DUSP16: variants seen among roughly 807,000 people sequenced by gnomAD.
DUSP16 encodes the protein dual specificity protein phosphatase 16.
Under a neutral mutation model 58.3 loss-of-function variants are expected in DUSP16, and 21 were observed. The ratio of observed to expected loss-of-function variants is 0.36; its 90% CI spans 0.26 to 0.52. The LOEUF (loss-of-function observed/expected upper bound fraction) is 0.52, where lower values mean the gene tolerates loss of function less well. Ranked by LOEUF, DUSP16 falls within the 20% of genes least tolerant of loss-of-function variation. The pLI, the probability that DUSP16 is intolerant of heterozygous loss-of-function variation, is 0.94. For missense variants in DUSP16, 726 were observed against 819.0 expected (o/e 0.89, Z 1.39); for synonymous variants, 320 against 323.8 (o/e 0.99, Z 0.12).
chr12:12,482,050 CTAT>C (rs1180280011), intron 5 of DUSP16, among the ~76,000 whole-genome samples: 2 of 152,092 alleles, frequency 1.3e-5, no homozygotes, highest in Non-Finnish European at 2.9e-5. Flanking sequence ...TGGTTCTAAC[CTAT>C]TATTGAAAAC....
intron 5 of DUSP16, among the ~76,000 whole-genome samples, chr12:12,482,124 CTCAT>C (rs1407247379): frequency 2.0e-5 from 3 of 152,104 alleles, no homozygotes; most frequent in African/African-American, 7.2e-5. Flanking sequence ...ACAATACTCT[CTCAT>C]TAATTTTAAT....
At chr12:12,512,233 C>T (rs1412891798) in intron 3 of DUSP16, among the ~76,000 whole-genome samples, 1 of 152,134 alleles carries the variant, frequency 6.6e-6, no homozygotes, top group Non-Finnish European at 1.5e-5. Flanking sequence ...GATTAACAAA[C>T]AAAAATTTTA....
At chr12:12,531,879 C>CTG (rs1420127893) in intron 1 of DUSP16, among the ~76,000 whole-genome samples, 3 of 151,386 alleles carry the variant, frequency 2.0e-5, no homozygotes, top group African/African-American at 7.3e-5. Flanking sequence ...TAAAACAAGG[C>CTG]CGGGCGCGGT....
chr12:12,528,243 T>C (rs1482792567), intron 1 of DUSP16, among the ~76,000 whole-genome samples: 2 of 152,080 alleles, frequency 1.3e-5, no homozygotes, highest in African/African-American at 2.4e-5. Context: ...CACAGGCTCC[T>C]TCACCTACCC....
At chr12:12,533,140 GGTCA>G in intron 1 of DUSP16, among the ~76,000 whole-genome samples, 1 of 152,100 alleles carries the variant, frequency 6.6e-6, no homozygotes, top group Non-Finnish European at 1.5e-5. Flanking sequence ...TTTAAAAATA[GGTCA>G]GTTAGGGTAT....
intron 3 of DUSP16, among the ~76,000 whole-genome samples, chr12:12,511,773 G>A (rs74554821): frequency 0.019 from 2,861 of 151,912 alleles, 85 homozygotes; most frequent in African/African-American, 0.067. Flanking sequence ...CTTCACCCCC[G>A]AGAGCCCAGT....
chr12:12,532,456 C>T (rs140963039), intron 1 of DUSP16, among the ~76,000 whole-genome samples: 9 of 152,226 alleles, frequency 5.9e-5, no homozygotes, highest in East Asian at 1.9e-4. Context: ...CAAACACATA[C>T]GATGGATATG....
chr12:12,521,494 ACGTGAGGTC>A, intron 1 of DUSP16, 31 bp from the exon 2 acceptor site: 1 of 990,126 alleles, frequency 1.0e-6, no homozygotes. Flanking sequence ...AGAAAACAAA[ACGTGAGGTC>A]AAAAAAAGAA....
At position 12,475,554 on chromosome 12, in the gene DUSP16, A is replaced by G. The variant is rs1943414044; in HGVS notation, c.*1279T>C. 2.0e-5 allele frequency: 3 copies of G among 152,096 alleles called. No individual in the cohort carries two copies. The highest frequency in any genetic ancestry group is 2.0e-4 in the Admixed American group (3 of 15,272). 9.4% of individuals were successfully genotyped at this position (152,096 alleles called of 1,614,324 possible). A position where few individuals can be genotyped will look rare whatever the true frequency, so the allele number is the denominator to read the frequency against. On this transcript the variant is annotated 3_prime_UTR_variant, in exon 7 of 7. Transcript: ENST00000298573. Reference sequence around the variant, plus strand: ...CTCAATGGTCTTCTCAGCTTTCTCAACCGTTTTATTCTGAATATTCCTTCC... The same window carrying G: ...CTCAATGGTCTTCTCAGCTTTCTCAGCCGTTTTATTCTGAATATTCCTTCC...
chr12:12,515,112 T>G (rs1944129275), intron 3 of DUSP16, among the ~76,000 whole-genome samples: 2 of 152,248 alleles, frequency 1.3e-5, no homozygotes, highest in South Asian at 4.1e-4. Flanking sequence ...CTGCCAATAT[T>G]TTCCTATAAT....
Position 12,477,296 on chromosome 12 carries a change from T to C in DUSP16, c.1535A>G (p.Asn512Ser), listed in dbSNP as rs756173636. 49 of 1,614,070 alleles carry C rather than the reference T, an allele frequency of 3.0e-5. No individual in the cohort carries two copies. Among genetic ancestry groups the C allele is most frequent in the South Asian group, 8.8e-5 (8 of 91,084 alleles). Residue 512 changes from asparagine to serine, a missense_variant, in exon 7 of 7, where the codon AAT (asparagine) becomes AGT (serine). Transcript: ENST00000298573. The surrounding 1 kb of genome is among the most constrained non-coding windows in gnomAD (Gnocchi z 4.1). ...GCCGAAAAGGAAGCTGGTGTGGTAA[T>C]TGTCCTCCACGCTCCCACTTCGATG... is the stretch of plus-strand genomic sequence containing the variant. ...PLHRSGSVED[N>S]YHTSFLFGLS...
chr12:12,509,785 A>G (rs1336499847), intron 3 of DUSP16, among the ~76,000 whole-genome samples: 1 of 152,104 alleles, frequency 6.6e-6, no homozygotes, highest in African/African-American at 2.4e-5. Context: ...TGATGGACAT[A>G]AGTCTTGTAT....
intron 5 of DUSP16, 79 bp downstream of exon 5, chr12:12,486,949 A>G (rs1160065187): frequency 6.5e-7 from 1 of 1,539,782 alleles, no homozygotes; most frequent in Non-Finnish European, 8.9e-7. Flanking sequence ...TCTCTAAAGA[A>G]AAAATGGGGG....
intron 3 of DUSP16, among the ~76,000 whole-genome samples, chr12:12,503,152 A>G (rs1399805938): frequency 6.6e-6 from 1 of 151,888 alleles, no homozygotes; most frequent in African/African-American, 2.4e-5. Flanking sequence ...TGTTGAGATA[A>G]TTAGTTAGTA....
At chr12:12,492,312 T>A (rs1943772314) in intron 4 of DUSP16, among the ~76,000 whole-genome samples, 1 of 136,366 alleles carries the variant, frequency 7.3e-6, no homozygotes, top group African/African-American at 2.5e-5. Flanking sequence ...TGCTTCCTAC[T>A]ACAATGGAAA....
chr12:12,534,919 A>T (rs1944443972), intron 1 of DUSP16, among the ~76,000 whole-genome samples: 1 of 152,230 alleles, frequency 6.6e-6, no homozygotes, highest in African/African-American at 2.4e-5. Context: ...TTTTACATTT[A>T]TATTAGCCCT....
chr12:12,517,457 T>G (rs1015853994), intron 3 of DUSP16, among the ~76,000 whole-genome samples: 6 of 152,184 alleles, frequency 3.9e-5, no homozygotes, highest in Admixed American at 3.3e-4. Flanking sequence ...CAATATGTCC[T>G]TCTGTCCCAC....
chr12:12,540,791 G>A (rs11054963), intron 1 of DUSP16, among the ~76,000 whole-genome samples: 9,802 of 151,976 alleles, frequency 0.064, 472 homozygotes, highest in East Asian at 0.21. Flanking sequence ...TGGAGGGAGC[G>A]GCGACACCAC....
At chr12:12,540,929 TTTTTC>T (rs200717053) in intron 1 of DUSP16, among the ~76,000 whole-genome samples, 3,148 of 117,178 alleles carry the variant, frequency 0.027, 228 homozygotes, top group Middle Eastern at 0.031. Context: ...CAGTTGCTTT[TTTTTC>T]TTTTCTTTTC....
Sources: allele counts gnomAD v4.1 joint callset (sites outside exome capture counted in the v4.1 genomes callset), GRCh38; gene constraint gnomAD v4.1.1; non-coding constraint Gnocchi (gnomAD v3.1); transcripts MANE v1.5; gene names NCBI Gene and HGNC (gene_info 2026-07-23, HGNC 2026-07-21).